Variants in CEBPG observed in about 807,000 individuals in gnomAD.
CEBPG encodes the protein CCAAT/enhancer-binding protein gamma.
CEBPG carries 6 observed loss-of-function variants against 11.1 expected under a neutral mutation model. That is an observed-to-expected ratio of 0.54 (90% CI 0.30 to 1.07). The LOEUF is 1.07. Among genes scored for constraint, CEBPG ranks in the 50% least tolerant of loss-of-function variants. The pLI is 0.07. For synonymous variants in CEBPG, 66 were observed against 71.0 expected (o/e 0.93, Z 0.36); for missense variants, 161 against 187.4 (o/e 0.86, Z 0.82).
intron 1 of CEBPG, 64 bp from the exon 2 acceptor site, chr19:33,379,080 A>C (rs1967949407): frequency 1.6e-6 from 1 of 620,122 alleles, no homozygotes; most frequent in South Asian, 2.8e-5. Context: ...TTAGGTACGT[A>C]CAAGTTTGAT....
rs1483478881 is a variant in CEBPG, at chr19:33,379,649, G to A, written c.410G>A (p.Ser137Asn). ...HNLADNVQSISTENTTADGDN... is the reference protein window; with the variant it reads ...HNLADNVQSINTENTTADGDN... Reference sequence around the variant, plus strand: ...CTTGCAGACAACGTACAGTCCATTAGCACTGAAAATACGACAGCAGATGGC... The same window carrying A: ...CTTGCAGACAACGTACAGTCCATTAACACTGAAAATACGACAGCAGATGGC... The change falls in exon 2 of 2, where the codon AGC (serine) becomes AAC (asparagine). Residue 137 changes from serine to asparagine, a missense_variant. By Grantham distance (46) the Ser-to-Asn change is conservative. Coordinates refer to ENST00000284000, the MANE Select transcript of CEBPG (RefSeq NM_001806.4). The A allele has an allele frequency of 1.7e-5, 28 of 1,613,284 alleles. No individual in the cohort carries two copies. Among genetic ancestry groups the A allele is most frequent in the Non-Finnish European group, 2.4e-5 (28 of 1,179,472 alleles).
Position 33,379,220 on chromosome 19 carries a change from T to C in CEBPG, c.-20T>C, listed in dbSNP as rs1967951531. On this transcript the variant is annotated 5_prime_UTR_variant, in exon 2 of 2. Coordinates refer to ENST00000284000, the MANE Select transcript of CEBPG (RefSeq NM_001806.4). ...GCTCTCATTTCTACCTGTTCTGTGT[T>C]GGCAAGGGAGAGTGCCCAAATGAGC... The C allele has an allele frequency of 2.0e-6, 3 of 1,517,546 alleles. No individual in the cohort carries two copies. Among genetic ancestry groups the C allele is most frequent in the Non-Finnish European group, 1.8e-6 (2 of 1,133,328 alleles). 94.0% of individuals were successfully genotyped at this position (1,517,546 alleles called of 1,614,324 possible). A position where few individuals can be genotyped will look rare whatever the true frequency, so the allele number is the denominator to read the frequency against.
At position 33,379,534 on chromosome 19, in the gene CEBPG, G is replaced by C. The variant is rs760274921; in HGVS notation, c.295G>C (p.Glu99Gln). 4.3e-6 allele frequency: 7 copies of C among 1,613,912 alleles called. No individual in the cohort carries two copies. The highest frequency in any genetic ancestry group is 5.9e-6 in the Non-Finnish European group (7 of 1,179,962). Reference sequence around the variant, plus strand: ...ACTGCAGAGAGTCAATCAGCTCAAAGAAGAGAATGAACGGTTGGAAGCAAA... The same window carrying C: ...ACTGCAGAGAGTCAATCAGCTCAAACAAGAGAATGAACGGTTGGAAGCAAA... ...DTLQRVNQLK[E>Q]ENERLEAKIK... The change falls in exon 2 of 2, where the codon GAA becomes CAA. Residue 99 changes from glutamate (E) to glutamine (Q), a missense_variant. Physicochemically the swap from Glu to Gln is conservative, Grantham distance 29 (BLOSUM62 2). Coordinates refer to ENST00000284000, the MANE Select transcript of CEBPG (RefSeq NM_001806.4).
chr19:33,375,739 C>G (rs956841884), intron 1 of CEBPG, among the ~76,000 whole-genome samples: 31 of 152,288 alleles, frequency 2.0e-4, no homozygotes, highest in African/African-American at 7.0e-4. Context: ...CTGGAGTTGA[C>G]AGACCTAGGG....
Position 33,381,840 on chromosome 19 carries a change from C to T in CEBPG, c.*2148C>T, listed in dbSNP as rs1967993063. 1 of 167,058 alleles carries T rather than the reference C, an allele frequency of 6.0e-6. No individual in the cohort carries two copies. Among genetic ancestry groups the T allele is most frequent in the Non-Finnish European group, 1.5e-5 (1 of 68,108 alleles). 10.3% of individuals were successfully genotyped at this position (167,058 alleles called of 1,614,324 possible). On this transcript the variant is annotated 3_prime_UTR_variant, in exon 2 of 2. Transcript: ENST00000284000. ...TTTTGGAAAAATGGGTTCAAGCTTT[C>T]CTATTAGCCATGGAAATGCAAAGTT...
intron 1 of CEBPG, 121 bp downstream of exon 1, chr19:33,374,016 G>A (rs1202335343): frequency 6.6e-6 from 1 of 150,454 alleles, no homozygotes; most frequent in South Asian, 2.1e-4. Flanking sequence ...ACGGCCCGCT[G>A]GCCCGGGAAG....
intron 1 of CEBPG, among the ~76,000 whole-genome samples, chr19:33,378,839 TAG>T (rs1261474941): frequency 6.6e-6 from 1 of 152,234 alleles, no homozygotes; most frequent in Non-Finnish European, 1.5e-5. Context: ...CAAGTGCTGT[TAG>T]TTCACATGCG....
At chr19:33,377,040 T>C (rs1254265033) in intron 1 of CEBPG, among the ~76,000 whole-genome samples, 1 of 152,246 alleles carries the variant, frequency 6.6e-6, no homozygotes, top group South Asian at 2.1e-4. Context: ...AGGGCTTACC[T>C]TTAAAACCTC....
chr19:33,373,823 G>A lies in CEBPG; in HGVS notation c.-169G>A, dbSNP rs1967875235. 1 of 151,738 alleles carries A rather than the reference G, an allele frequency of 6.6e-6. No homozygotes were observed. Among genetic ancestry groups the A allele is most frequent in the South Asian group, 2.1e-4 (1 of 4,834 alleles). 9.4% of individuals were successfully genotyped at this position (151,738 alleles called of 1,614,324 possible). A position where few individuals can be genotyped will look rare whatever the true frequency, so the allele number is the denominator to read the frequency against. On this transcript the variant is annotated 5_prime_UTR_variant, in exon 1 of 2. Coordinates refer to ENST00000284000, the MANE Select transcript of CEBPG (RefSeq NM_001806.4). ...CTGACTCGCGGGCTGTGAGGCCTGG[G>A]TCGGCTCGGGCCGCACCGCGCGGGG...
At position 33,379,746 on chromosome 19, in the gene CEBPG, C is replaced by T. The variant is rs746752975; in HGVS notation, c.*54C>T. ...GTGGCTTGAATGTTAAAGGTGTGAC[C>T]ACCGACACCACTCATGTCAATGGCT... On this transcript the variant is annotated 3_prime_UTR_variant, in exon 2 of 2. Coordinates refer to ENST00000284000, the MANE Select transcript of CEBPG (RefSeq NM_001806.4). The T allele has an allele frequency of 3.5e-5, 51 of 1,457,946 alleles. No homozygotes were observed. The Middle Eastern group carries it at 8.9e-4, about 26-fold the overall frequency. 90.3% of individuals were successfully genotyped at this position (1,457,946 alleles called of 1,614,324 possible). A position where few individuals can be genotyped will look rare whatever the true frequency, so the allele number is the denominator to read the frequency against.
chr19:33,377,287 A>G (rs1259530432), intron 1 of CEBPG, among the ~76,000 whole-genome samples: 1 of 152,248 alleles, frequency 6.6e-6, no homozygotes, highest in East Asian at 1.9e-4. Context: ...CAGCCATGGA[A>G]GAAAAGAGAT....
intron 1 of CEBPG, among the ~76,000 whole-genome samples, 189 bp downstream of exon 1, chr19:33,374,084 C>A (rs1967879575): frequency 6.7e-6 from 1 of 150,146 alleles, no homozygotes; most frequent in East Asian, 2.0e-4. Flanking sequence ...TGCAACCTGC[C>A]GGCAACACCC....
In CEBPG at chr19:33,382,256, A is replaced by G. The variant is rs1273225791; in HGVS notation, c.*2564A>G. ...CCCTGCAATCAGTTGTTGGGATGCC[A>G]GTGCAGATCACTAAGTAGTAAGATT... is the stretch of plus-strand genomic sequence containing the variant. On this transcript the variant is annotated 3_prime_UTR_variant, in exon 2 of 2. Transcript: ENST00000284000. 2 of 167,024 alleles carry G rather than the reference A, an allele frequency of 1.2e-5. No homozygotes were observed. Among genetic ancestry groups the G allele is most frequent in the Non-Finnish European group, 2.9e-5 (2 of 68,102 alleles). The allele number at this position is 167,024 out of a possible 1,614,324, so 10.3% of individuals were successfully genotyped here. A position where few individuals can be genotyped will look rare whatever the true frequency, so the allele number is the denominator to read the frequency against.
At position 33,380,791 on chromosome 19, in the gene CEBPG, C is replaced by G. The variant is rs1967977075; in HGVS notation, c.*1099C>G. Reference sequence around the variant, plus strand: ...AAACTTGAAAGTGTAAGGTTTTAACCTTTAATTTATTTCTCTTAAATACAT... The same window carrying G: ...AAACTTGAAAGTGTAAGGTTTTAACGTTTAATTTATTTCTCTTAAATACAT... On this transcript the variant is annotated 3_prime_UTR_variant, in exon 2 of 2. Coordinates refer to ENST00000284000, the MANE Select transcript of CEBPG (RefSeq NM_001806.4). The G allele has an allele frequency of 6.0e-6, 1 of 166,842 alleles. No homozygotes were observed. The highest frequency in any genetic ancestry group is 1.5e-5 in the Non-Finnish European group (1 of 68,114). 10.3% of individuals were successfully genotyped at this position (166,842 alleles called of 1,614,324 possible).
rs79824755 is a variant in CEBPG at position 33,374,417 on chromosome 19, G to T, written c.-97+522G>T. On this transcript the variant is annotated intron_variant, in intron 1 of 1. Transcript: ENST00000284000. ...TTCAAAGACTGATCAATAAAATAGGGAAAGCAACTGGTTTTTAAATGCATG... is the reference window on the plus strand; with the variant it reads ...TTCAAAGACTGATCAATAAAATAGGTAAAGCAACTGGTTTTTAAATGCATG... 0.2 allele frequency: 30,979 copies of T among 152,174 alleles called. 3,335 individuals are homozygous for T. Among genetic ancestry groups the T allele is most frequent in the Non-Finnish European group, 0.24 (16,438 of 68,004 alleles). 9.4% of individuals were successfully genotyped at this position (152,174 alleles called of 1,614,324 possible).
At chr19:33,378,644 G>A (rs936006940) in intron 1 of CEBPG, among the ~76,000 whole-genome samples, 1 of 152,194 alleles carries the variant, frequency 6.6e-6, no homozygotes, top group African/African-American at 2.4e-5. Context: ...TCAAGTCCTC[G>A]ATGACTCCCT....
rs2145313667 is a variant in CEBPG at position 33,381,471 on chromosome 19, T to A, written c.*1779T>A. 1 of 166,848 alleles carries A rather than the reference T, an allele frequency of 6.0e-6. No homozygotes were observed. The highest frequency in any genetic ancestry group is 1.9e-4 in the East Asian group (1 of 5,176). 10.3% of individuals were successfully genotyped at this position (166,848 alleles called of 1,614,324 possible). Reference sequence around the variant, plus strand: ...ATAGAGCCAGGAGACAGGATAGGGGTTTCTAGGGTCCAACACCAGCTTACC... The same window carrying A: ...ATAGAGCCAGGAGACAGGATAGGGGATTCTAGGGTCCAACACCAGCTTACC... On this transcript the variant is annotated 3_prime_UTR_variant, in exon 2 of 2. Transcript: ENST00000284000.
At chr19:33,378,225 C>G (rs1272332508) in intron 1 of CEBPG, among the ~76,000 whole-genome samples, 1 of 152,190 alleles carries the variant, frequency 6.6e-6, no homozygotes, top group East Asian at 1.9e-4. Flanking sequence ...GCCTTCATTT[C>G]TGCAGGCAGC....
intron 1 of CEBPG, among the ~76,000 whole-genome samples, chr19:33,377,185 G>C (rs1216498677): frequency 6.6e-6 from 1 of 152,218 alleles, no homozygotes; most frequent in Non-Finnish European, 1.5e-5. Flanking sequence ...TAGTGAGTAA[G>C]AGCTGTTTGT....
Sources: gnomAD v4.1 joint callset for allele counts (sites outside exome capture counted in the v4.1 genomes callset) on GRCh38, gnomAD v4.1.1 for gene constraint, MANE v1.5 for transcripts, NCBI Gene and HGNC (gene_info 2026-07-23, HGNC 2026-07-21) for gene names.